The following SND1 variants were observed in gnomAD, a reference collection of about 807,000 sequenced individuals.
The protein encoded by SND1 is staphylococcal nuclease domain-containing protein 1.
A neutral mutation model predicts 121.7 loss-of-function variants in SND1; 38 were observed. The observed-to-expected ratio is 0.31, with a 90% confidence interval of 0.24 to 0.41. SND1 has a LOEUF of 0.41. SND1 is among the 10% of genes least tolerant of loss of function. SND1 has a pLI of 1.00. For synonymous variants in SND1, 401 were observed against 447.4 expected, an observed-to-expected ratio of 0.90 and a Z score of 1.31; for missense variants, 868 against 1,184.6, an observed-to-expected ratio of 0.73 and a Z score of 3.92.
intron 13 of SND1, among the ~76,000 whole-genome samples, chr7:127,896,157 A>C (rs1044194809): frequency 1.3e-5 from 2 of 151,944 alleles, no homozygotes; most frequent in Non-Finnish European, 2.9e-5. Context: ...TTAGCCATCA[A>C]TGTGTCTTCC....
intron 16 of SND1, chr7:128,030,975 C>T (rs1792573565): frequency 5.2e-6 from 1 of 191,844 alleles, no homozygotes; most frequent in African/African-American, 2.3e-5. Flanking sequence ...GGGAGCTGGG[C>T]ACCTCGTTCC....
chr7:127,791,141 C>CTTTTTTT (rs66878881), intron 10 of SND1, among the ~76,000 whole-genome samples: 2 of 110,862 alleles, frequency 1.8e-5, no homozygotes, highest in Non-Finnish European at 1.8e-5. Context: ...TTTACCTCTC[C>CTTTTTTT]TTTTTTTTTT....
chr7:127,872,627 CG>C (rs1799615229), intron 12 of SND1, among the ~76,000 whole-genome samples: 2 of 99,530 alleles, frequency 2.0e-5, no homozygotes, highest in Admixed American at 1.1e-4. Context: ...TTAACACACA[CG>C]CACACACACA....
At chr7:127,717,107 TAAGCA>T (rs1796404908) in intron 9 of SND1, among the ~76,000 whole-genome samples, 2 of 152,308 alleles carry the variant, frequency 1.3e-5, no homozygotes, top group South Asian at 4.1e-4. Flanking sequence ...ACAGAAAAAT[TAAGCA>T]GGTAGCACAG....
chr7:127,784,677 G>T (rs1315167008), intron 10 of SND1, among the ~76,000 whole-genome samples: 1 of 152,110 alleles, frequency 6.6e-6, no homozygotes, highest in East Asian at 1.9e-4. Flanking sequence ...GCTCTCCCTT[G>T]TTCACAGTCC....
chr7:127,758,209 G>A (rs946277883), intron 10 of SND1, among the ~76,000 whole-genome samples: 1 of 152,190 alleles, frequency 6.6e-6, no homozygotes, highest in African/African-American at 2.4e-5. Flanking sequence ...AAACAGTATT[G>A]TTGATTATGT....
At chr7:127,891,101 A>T (rs755763574) in intron 13 of SND1, among the ~76,000 whole-genome samples, 1 of 152,128 alleles carries the variant, frequency 6.6e-6, no homozygotes, top group Non-Finnish European at 1.5e-5. Context: ...CATCTTCTCG[A>T]TGCTAACCCC....
At chr7:127,970,549 T>G (rs1042725196) in intron 15 of SND1, among the ~76,000 whole-genome samples, 4 of 152,234 alleles carry the variant, frequency 2.6e-5, no homozygotes, top group Non-Finnish European at 5.9e-5. Flanking sequence ...AGTGTGATTT[T>G]CTTTCTCAAG....
intron 16 of SND1, among the ~76,000 whole-genome samples, chr7:128,062,722 C>A (rs149902404): frequency 1.1e-4 from 16 of 152,300 alleles, no homozygotes; most frequent in Middle Eastern, 3.4e-3. Context: ...TCCACGTCCC[C>A]TTCCCACCCT....
At chr7:127,805,603 T>C (rs1398458785) in intron 10 of SND1, among the ~76,000 whole-genome samples, 1 of 152,172 alleles carries the variant, frequency 6.6e-6, no homozygotes, top group African/African-American at 2.4e-5. Context: ...GAGGCTTAGT[T>C]TGCATCGAGG....
intron 14 of SND1, among the ~76,000 whole-genome samples, chr7:127,917,244 T>G (rs954030093): frequency 8.5e-5 from 13 of 152,202 alleles, no homozygotes; most frequent in Admixed American, 3.9e-4. Flanking sequence ...ATTCTATATT[T>G]TCCTTAAGAA....
At chr7:127,751,798 A>G (rs1348103) in intron 10 of SND1, among the ~76,000 whole-genome samples, 29,279 of 152,240 alleles carry the variant, frequency 0.19, 3,712 homozygotes, top group Middle Eastern at 0.32. Context: ...CTGGTTACTC[A>G]GCACCCTCTG....
At chr7:127,825,424 TG>T (rs1798625152) in intron 11 of SND1, among the ~76,000 whole-genome samples, 2 of 150,208 alleles carry the variant, frequency 1.3e-5, no homozygotes, top group South Asian at 4.3e-4. Flanking sequence ...TTTTTTTTTT[TG>T]AAACTGAATT....
chr7:127,700,169 A>G (rs1296126052), intron 4 of SND1, among the ~76,000 whole-genome samples: 2 of 152,274 alleles, frequency 1.3e-5, no homozygotes, highest in African/African-American at 2.4e-5. Flanking sequence ...GGACTGGACC[A>G]TCTCAACAAA....
intron 1 of SND1, among the ~76,000 whole-genome samples, chr7:127,663,323 A>C (rs1795352144): frequency 6.6e-6 from 1 of 150,630 alleles, no homozygotes. Context: ...TTTTTCTTGA[A>C]TATTTTTGAC....
At chr7:128,066,599 C>T (rs570176744) in intron 16 of SND1, among the ~76,000 whole-genome samples, 1 of 152,370 alleles carries the variant, frequency 6.6e-6, no homozygotes, top group East Asian at 1.9e-4. Flanking sequence ...AGCCTCTCGC[C>T]TTCCACAGCA....
intron 17 of SND1, among the ~76,000 whole-genome samples, chr7:128,078,645 C>A (rs997071420): frequency 6.6e-6 from 1 of 152,260 alleles, no homozygotes; most frequent in Non-Finnish European, 1.5e-5. Flanking sequence ...CCACCCCACT[C>A]TCCCCAAGGA....
At chr7:127,774,399 T>C (rs1797576465) in intron 10 of SND1, among the ~76,000 whole-genome samples, 1 of 152,150 alleles carries the variant, frequency 6.6e-6, no homozygotes, top group East Asian at 1.9e-4. Flanking sequence ...AAAACCAATA[T>C]AGTGTAGCTT....
At chr7:127,883,288 A>G (rs931856458) in intron 12 of SND1, among the ~76,000 whole-genome samples, 2 of 152,166 alleles carry the variant, frequency 1.3e-5, no homozygotes, top group Non-Finnish European at 2.9e-5. Context: ...ATACCCATAC[A>G]AGAGAACAGG....
Sources: allele counts gnomAD v4.1 joint callset (sites outside exome capture counted in the v4.1 genomes callset), GRCh38; gene constraint gnomAD v4.1.1; transcripts MANE v1.5; gene names NCBI Gene and HGNC (gene_info 2026-07-23, HGNC 2026-07-21).